CLCN4: variants seen among roughly 807,000 people sequenced by gnomAD.
The protein encoded by CLCN4 is Cl-/H+ antiporter 4.
In CLCN4, 1 loss-of-function variant was observed where a neutral mutation model predicts 41.7. The ratio of observed to expected loss-of-function variants is 0.02; its 90% CI spans 0.01 to 0.11. The LOEUF is 0.11. Ranked by LOEUF, CLCN4 falls within the 10% of genes least tolerant of loss-of-function variation. The probability of loss-of-function intolerance (pLI) is 1.00; values close to 1 mark genes in which losing one functional copy is unlikely to be tolerated. For synonymous variants in CLCN4, 277 were observed against 285.8 expected (o/e 0.97, Z 0.31); for missense variants, 287 against 661.0 (o/e 0.43, Z 6.20).
chrX:10,220,980 C>A, intron 12 of CLCN4, 103 bp downstream of exon 12: 2 of 669,680 alleles, frequency 3.0e-6, no homozygotes, highest in South Asian at 2.5e-5. Context: ...TGGAATAGTC[C>A]TTGACAGAGA....
intron 11 of CLCN4, among the ~76,000 whole-genome samples, chrX:10,217,360 C>T (rs1924753191): frequency 8.9e-6 from 1 of 112,037 alleles, no homozygotes; most frequent in East Asian, 2.8e-4. Context: ...ACATTTGGGG[C>T]TTGATGATTC....
chrX:10,207,821 A>T (rs1260589867), intron 8 of CLCN4, among the ~76,000 whole-genome samples: 2 of 111,726 alleles, frequency 1.8e-5, no homozygotes, highest in African/African-American at 6.5e-5. Flanking sequence ...TTCTCTTAAA[A>T]ATATAGCCCA....
intron 11 of CLCN4, among the ~76,000 whole-genome samples, chrX:10,216,810 C>A (rs190081376): frequency 1.0e-5 from 1 of 98,841 alleles, no homozygotes; most frequent in African/African-American, 3.7e-5. Context: ...GGTTTCTGCC[C>A]GGGAGGGCTG....
chrX:10,163,414 CT>C lies in CLCN4; in HGVS notation c.-12+4874del, dbSNP rs1193631143. On this transcript the variant is annotated intron_variant, in intron 2 of 12. Transcript: ENST00000380833. ...TTTTTAAATGACTTTCATTTCTTTT[CT>C]TTTTTTTTTTGAGATGGAATCTCTC... Among the ~76,000 whole-genome samples, 238 of 59,413 alleles carry C rather than the reference CT, an allele frequency of 4.0e-3. 2 individuals carry two copies. Among genetic ancestry groups the C allele is most frequent in the African/African-American group, 0.017 (226 of 13,128 alleles). 51.6% of individuals were successfully genotyped at this position (59,413 alleles called of 115,157 possible). A position where few individuals can be genotyped will look rare whatever the true frequency, so the allele number is the denominator to read the frequency against.
intron 12 of CLCN4, among the ~76,000 whole-genome samples, chrX:10,223,555 G>T (rs1363242153): frequency 8.9e-6 from 1 of 112,008 alleles, no homozygotes; most frequent in Non-Finnish European, 1.9e-5. Flanking sequence ...TCTCTGGCCA[G>T]CTCTCATGTT....
intron 2 of CLCN4, among the ~76,000 whole-genome samples, chrX:10,165,884 C>T (rs1315156149): frequency 8.9e-6 from 1 of 111,882 alleles, no homozygotes; most frequent in Non-Finnish European, 1.9e-5. Flanking sequence ...AGTGGCCTGC[C>T]TCTCTTCACC....
intron 5 of CLCN4, among the ~76,000 whole-genome samples, chrX:10,196,144 T>C (rs1924089415): frequency 8.9e-6 from 1 of 112,192 alleles, no homozygotes; most frequent in Non-Finnish European, 1.9e-5. Context: ...CTTGTTATTA[T>C]CTGTTTTTGA....
At chrX:10,183,538 C>T (rs1019494821) in intron 2 of CLCN4, among the ~76,000 whole-genome samples, 17 of 112,397 alleles carry the variant, frequency 1.5e-4, no homozygotes, top group African/African-American at 5.5e-4. Flanking sequence ...TTTCCATGCT[C>T]TTTGCCAAAG....
intron 12 of CLCN4, among the ~76,000 whole-genome samples, chrX:10,223,836 G>T (rs1405401600): frequency 8.9e-6 from 1 of 112,164 alleles, no homozygotes; most frequent in Non-Finnish European, 1.9e-5. Flanking sequence ...GTGGTCCACA[G>T]GGGCCTGGAC....
Position 10,233,647 on chromosome X carries a change from T to C in CLCN4, c.*63T>C. ...GTGTCATTTAAAAAGAAATAAATGA[T>C]ATGTTATTATCCCAATGAAAGATCA... On this transcript the variant is annotated 3_prime_UTR_variant, in exon 13 of 13. Transcript: ENST00000380833. 1 of 890,195 alleles carries C rather than the reference T, an allele frequency of 1.1e-6. No homozygotes were observed. The highest frequency in any genetic ancestry group is 2.3e-5 in the Admixed American group (1 of 44,106). 73.4% of individuals were successfully genotyped at this position (890,195 alleles called of 1,213,427 possible).
intron 2 of CLCN4, among the ~76,000 whole-genome samples, chrX:10,171,178 G>A (rs1026743376): frequency 2.7e-5 from 3 of 112,265 alleles, no homozygotes; most frequent in African/African-American, 6.5e-5. Context: ...GTGAGCCACC[G>A]CGTCCGGCTC....
At position 10,200,089 on chromosome X, in the gene CLCN4, C is replaced by T. The variant is rs745683620; in HGVS notation, c.555+2028C>T. On this transcript the variant is annotated intron_variant, in intron 6 of 12. Transcript: ENST00000380833. ...ATTGTTTTATATAGAGACGAGGTCT[C>T]ACTCTATTGCCCGGGCTGGTCTCAA... Among the ~76,000 whole-genome samples, 9 of 112,110 alleles carry T rather than the reference C, an allele frequency of 8.0e-5. No homozygotes were observed. The South Asian group carries it at 3.0e-3, about 37-fold the overall frequency.
intron 2 of CLCN4, among the ~76,000 whole-genome samples, chrX:10,183,465 C>G (rs1923735345): frequency 1.8e-5 from 2 of 112,358 alleles, no homozygotes; most frequent in Admixed American, 9.4e-5. Flanking sequence ...GTTTTTATAA[C>G]CACCCTTCAG....
intron 2 of CLCN4, among the ~76,000 whole-genome samples, chrX:10,176,286 C>T (rs1313226353): frequency 2.7e-5 from 3 of 112,205 alleles, no homozygotes; most frequent in Admixed American, 9.4e-5. Context: ...AAGCAGGGGC[C>T]GGCAAAGCAC....
chrX:10,195,113 A>G lies in CLCN4; in HGVS notation c.432+15A>G. The G allele has an allele frequency of 8.3e-7, 1 of 1,207,018 alleles. No homozygotes were observed. Among genetic ancestry groups the G allele is most frequent in the Non-Finnish European group, 1.1e-6 (1 of 891,586 alleles). ...ATCAGTCAGAGGTGGGTATTTGGGC[A>G]GGGTCCTGGCTGGGGACCCCTGCCG... On this transcript the variant is annotated intron_variant, in intron 5 of 12. Transcript: ENST00000380833.
intron 8 of CLCN4, 98 bp downstream of exon 8, chrX:10,206,874 T>A: frequency 1.7e-6 from 1 of 581,921 alleles, no homozygotes; most frequent in Non-Finnish European, 2.7e-6. Context: ...GGCAGTTAAT[T>A]AAGGAGCCAC....
At chrX:10,192,330 G>GGGAAGGACA (rs1161928703) in intron 4 of CLCN4, among the ~76,000 whole-genome samples, 2 of 111,657 alleles carry the variant, frequency 1.8e-5, no homozygotes, top group Non-Finnish European at 3.8e-5. Flanking sequence ...TGTGGTGATG[G>GGGAAGGACA]GGAAGGACAG....
chrX:10,194,066 A>G (rs1924034457), intron 4 of CLCN4, among the ~76,000 whole-genome samples: 1 of 109,461 alleles, frequency 9.1e-6, no homozygotes, highest in Non-Finnish European at 1.9e-5. Flanking sequence ...TGGAGGAAGG[A>G]GATGTAGAGC....
At chrX:10,165,532 A>G (rs1335445727) in intron 2 of CLCN4, among the ~76,000 whole-genome samples, 1 of 110,565 alleles carries the variant, frequency 9.0e-6, no homozygotes, top group African/African-American at 3.3e-5. Flanking sequence ...GTGTTTCCTT[A>G]TGGGGGAGGC....
Sources: gnomAD v4.1 joint callset for allele counts (sites outside exome capture counted in the v4.1 genomes callset) on GRCh38, gnomAD v4.1.1 for gene constraint, MANE v1.5 for transcripts, NCBI Gene and HGNC (gene_info 2026-07-23, HGNC 2026-07-21) for gene names.